UTS2B: variants seen among roughly 807,000 people sequenced by gnomAD.
UTS2B encodes the protein urotensin-2B.
UTS2B carries 21 observed loss-of-function variants against 19.2 expected under a neutral mutation model. That is an observed-to-expected ratio of 1.09 (90% CI 0.78 to 1.58). UTS2B has a LOEUF of 1.58. Ranked by LOEUF, UTS2B falls within the 40% of genes most tolerant of loss-of-function variation. The pLI is 0.00. For missense variants in UTS2B, 138 were observed against 130.3 expected (o/e 1.06, Z -0.29); for synonymous variants, 57 against 50.2 (o/e 1.14, Z -0.58).
intron 4 of UTS2B, among the ~76,000 whole-genome samples, chr3:191,285,300 T>C (rs950983017): frequency 1.3e-5 from 2 of 152,204 alleles, no homozygotes; most frequent in African/African-American, 4.8e-5. Context: ...TACTTTATTT[T>C]AGCTTCACGG....
At position 191,309,189 on chromosome 3, in the gene UTS2B, A is replaced by C. The variant is rs1262279341; in HGVS notation, c.-181-4641T>G. Among the ~76,000 whole-genome samples, 4 of 151,946 alleles carry C rather than the reference A, an allele frequency of 2.6e-5. No homozygotes were observed. In the East Asian group the frequency reaches 7.7e-4, roughly 29 times the overall value. On this transcript the variant is annotated intron_variant, in intron 3 of 8. Coordinates refer to ENST00000340524, the MANE Select transcript of UTS2B (RefSeq NM_198152.5). The stretch of plus-strand genomic sequence containing the variant: ...TTTTGTTTGTTTTTTTTTAAAACGG[A>C]GTCTCGCTCTCGCCCAGGCTGGAGT...
At chr3:191,288,783 AT>A (rs1340143028) in intron 4 of UTS2B, among the ~76,000 whole-genome samples, 1 of 152,214 alleles carries the variant, frequency 6.6e-6, no homozygotes, top group Non-Finnish European at 1.5e-5. Flanking sequence ...ATATGCAAAA[AT>A]CAACTCAAAG....
At position 191,273,988 on chromosome 3, in the gene UTS2B, G is replaced by C. The variant is rs368716736; in HGVS notation, c.334+1264C>G. On this transcript the variant is annotated intron_variant, in intron 8 of 8. Coordinates refer to ENST00000340524, the MANE Select transcript of UTS2B (RefSeq NM_198152.5). ...GTGATGGTGCATGCCTGTAATCCCA[G>C]CTACTTGGGAGGCTGAGGCAGGAGA... Among the ~76,000 whole-genome samples, 8 of 152,180 alleles carry C rather than the reference G, an allele frequency of 5.3e-5. No homozygotes were observed. In the East Asian group the frequency reaches 1.5e-3, roughly 29 times the overall value.
intron 8 of UTS2B, among the ~76,000 whole-genome samples, chr3:191,269,145 T>C (rs1410204274): frequency 2.6e-5 from 4 of 152,368 alleles, no homozygotes; most frequent in South Asian, 2.1e-4. Context: ...TCTAATTTCC[T>C]TTTATTTAAC....
the UTS2B span, among the ~76,000 whole-genome samples, chr3:191,337,420 T>C: frequency 6.6e-6 from 1 of 151,790 alleles, no homozygotes; most frequent in Non-Finnish European, 1.5e-5. Context: ...TTTAAGACGG[T>C]GTCTAGCTCT....
chr3:191,335,928 G>A, the UTS2B span, among the ~76,000 whole-genome samples: 3 of 145,764 alleles, frequency 2.1e-5, no homozygotes, highest in South Asian at 4.3e-4. Flanking sequence ...CTCAACCCCC[G>A]TTTCATGCCC....
At chr3:191,275,100 A>G in intron 8 of UTS2B, 152 bp downstream of exon 8, 2 of 533,312 alleles carry the variant, frequency 3.8e-6, no homozygotes, top group South Asian at 3.3e-5. Flanking sequence ...ATATGGTAAC[A>G]CTTTTATTGG....
chr3:191,290,047 C>A (rs1387429528), intron 4 of UTS2B, among the ~76,000 whole-genome samples: 1 of 152,098 alleles, frequency 6.6e-6, no homozygotes, highest in South Asian at 2.1e-4. Context: ...ATGTTGTACA[C>A]AATAGATGTA....
intron 4 of UTS2B, among the ~76,000 whole-genome samples, chr3:191,296,018 A>G (rs9854723): frequency 0.66 from 99,859 of 152,036 alleles, 32,781 homozygotes; most frequent in African/African-American, 0.67. Context: ...TAATACTACC[A>G]TTTAAAATCC....
chr3:191,344,072 A>C, the UTS2B span, among the ~76,000 whole-genome samples: 1 of 152,244 alleles, frequency 6.6e-6, no homozygotes, highest in South Asian at 2.1e-4. Flanking sequence ...AGTGGCTGAC[A>C]CAAGACCAGT....
At chr3:191,321,400 G>T (rs777032707) in intron 2 of UTS2B, among the ~76,000 whole-genome samples, 14 of 152,214 alleles carry the variant, frequency 9.2e-5, no homozygotes, top group Non-Finnish European at 1.5e-4. Context: ...ATGAATGCAA[G>T]AAATAGGTTT....
rs201432589 is a variant in UTS2B at position 191,268,390 on chromosome 3, C to A, written c.*26G>T. The A allele has an allele frequency of 2.6e-6, 4 of 1,545,278 alleles. No individual in the cohort carries two copies. In the Admixed American group the frequency reaches 5.2e-5, roughly 20 times the overall value. ...ACATATATTTTCCTGATATTCTTAT[C>A]TTTTTTTGCATCCAGAGAAAAAGCT... On this transcript the variant is annotated 3_prime_UTR_variant, in exon 9 of 9. Transcript: ENST00000340524.
At chr3:191,310,067 A>G (rs1490332916) in intron 3 of UTS2B, among the ~76,000 whole-genome samples, 4 of 151,058 alleles carry the variant, frequency 2.6e-5, no homozygotes, top group Non-Finnish European at 5.9e-5. Context: ...GGTTTAAGTG[A>G]TTCTCCTGCC....
chr3:191,278,962 T>C (rs1049409786), intron 5 of UTS2B, among the ~76,000 whole-genome samples: 9 of 152,096 alleles, frequency 5.9e-5, no homozygotes, highest in African/African-American at 2.2e-4. Context: ...CCTGCCTCTT[T>C]GTATTAACTG....
At chr3:191,316,855 T>C (rs1302678694) in intron 2 of UTS2B, among the ~76,000 whole-genome samples, 1 of 152,248 alleles carries the variant, frequency 6.6e-6, no homozygotes, top group African/African-American at 2.4e-5. Flanking sequence ...AACCCCCAGC[T>C]AGACACTGAG....
Position 191,279,853 on chromosome 3 carries a change from G to C in UTS2B, c.104-1683C>G, listed in dbSNP as rs540859822. On this transcript the variant is annotated intron_variant, in intron 5 of 8. Coordinates refer to ENST00000340524, the MANE Select transcript of UTS2B (RefSeq NM_198152.5). ...AGATATTGGCTAAAAAAAAGCAATA[G>C]AAAATGAGTCTTTTGTTTCTTGTTT... 3.9e-5 allele frequency among the ~76,000 whole-genome samples: 6 copies of C among 152,004 alleles called. No homozygotes were observed. The South Asian group carries it at 1.2e-3, about 32-fold the overall frequency.
the UTS2B span, among the ~76,000 whole-genome samples, chr3:191,342,504 C>T: frequency 2.0e-5 from 3 of 152,120 alleles, no homozygotes; most frequent in Non-Finnish European, 4.4e-5. Context: ...GCTCTTTTGT[C>T]ATATGAAGCC....
chr3:191,307,048 A>G (rs1388997683), intron 3 of UTS2B, among the ~76,000 whole-genome samples: 2 of 152,226 alleles, frequency 1.3e-5, no homozygotes, highest in African/African-American at 4.8e-5. Flanking sequence ...CAGGAATGAG[A>G]GTACAGCCCA....
At chr3:191,297,933 A>G (rs73888532) in intron 4 of UTS2B, among the ~76,000 whole-genome samples, 41,086 of 152,126 alleles carry the variant, frequency 0.27, 6,314 homozygotes, top group African/African-American at 0.41. Flanking sequence ...AAAATAAATA[A>G]CACTTTCTAC....
Sources: gnomAD v4.1 joint callset for allele counts (sites outside exome capture counted in the v4.1 genomes callset) on GRCh38, gnomAD v4.1.1 for gene constraint, MANE v1.5 for transcripts, NCBI Gene and HGNC (gene_info 2026-07-23, HGNC 2026-07-21) for gene names.